WWOX: variants seen among roughly 807,000 people sequenced by gnomAD.
WWOX encodes WW domain-containing oxidoreductase.
WWOX carries 69 observed loss-of-function variants against 46.2 expected under a neutral mutation model. The ratio of observed to expected loss-of-function variants is 1.49; its 90% CI spans 1.23 to 1.82. The LOEUF is 1.82. WWOX is among the 40% of genes most tolerant of loss of function. WWOX has a pLI of 0.00. For missense variants in WWOX, 919 were observed against 542.6 expected (o/e 1.69, Z -6.89); for synonymous variants, 359 against 202.6 (o/e 1.77, Z -6.56).
chr16:78,620,960 C>T (rs146489537), intron 8 of WWOX, among the ~76,000 whole-genome samples: 1 of 152,134 alleles, frequency 6.6e-6, no homozygotes, highest in Admixed American at 6.5e-5. Flanking sequence ...AAGCATCTCA[C>T]TGTATTTTTA....
At chr16:78,416,847 A>G (rs1287649133) in intron 6 of WWOX, among the ~76,000 whole-genome samples, 2 of 152,238 alleles carry the variant, frequency 1.3e-5, no homozygotes, top group Non-Finnish European at 2.9e-5. Flanking sequence ...TCTCACAACC[A>G]TGGGAGGAGT....
chr16:79,054,319 A>T (rs1354312337), intron 8 of WWOX, among the ~76,000 whole-genome samples: 1 of 152,138 alleles, frequency 6.6e-6, no homozygotes. Context: ...TCCCCCAGCT[A>T]TCCCGGTTTC....
intron 8 of WWOX, among the ~76,000 whole-genome samples, chr16:78,912,794 G>A (rs536075876): frequency 1.4e-4 from 21 of 152,108 alleles, no homozygotes; most frequent in African/African-American, 4.8e-4. Context: ...TAGCCAATAA[G>A]GGAGGCTGAG....
chr16:78,657,631 G>C (rs2047111348), intron 8 of WWOX, among the ~76,000 whole-genome samples: 1 of 152,124 alleles, frequency 6.6e-6, no homozygotes, highest in Non-Finnish European at 1.5e-5. Context: ...AGGTTCTGAT[G>C]ACAGATTTTA....
intron 6 of WWOX, among the ~76,000 whole-genome samples, chr16:78,414,191 C>T (rs1006592508): frequency 3.9e-5 from 6 of 151,954 alleles, no homozygotes; most frequent in African/African-American, 7.3e-5. Flanking sequence ...CACTACCCAC[C>T]CAAATCCTGT....
intron 5 of WWOX, among the ~76,000 whole-genome samples, chr16:78,215,212 G>C (rs933481333): frequency 6.6e-6 from 1 of 152,170 alleles, no homozygotes; most frequent in African/African-American, 2.4e-5. Context: ...TATGTATCAG[G>C]TGTTGTGCTC....
chr16:78,294,680 TGAG>T (rs1256273434), intron 5 of WWOX, among the ~76,000 whole-genome samples: 2 of 122,746 alleles, frequency 1.6e-5, no homozygotes, highest in African/African-American at 5.7e-5. Context: ...GACTCCATGA[TGAG>T]ATAGTTGGAT....
intron 8 of WWOX, among the ~76,000 whole-genome samples, chr16:78,735,394 A>AACACACACACACACAC (rs35975130): frequency 0.021 from 2,519 of 121,340 alleles, 90 homozygotes; most frequent in African/African-American, 0.071. Context: ...ACCACACACA[A>AACACACACACACACAC]ACACACACAC....
chr16:79,200,480 G>A (rs193019809), intron 8 of WWOX, among the ~76,000 whole-genome samples: 34 of 152,212 alleles, frequency 2.2e-4, no homozygotes, highest in East Asian at 3.9e-4. Context: ...TTGCTTGGCC[G>A]TGAGTTACTT....
chr16:78,432,047 T>C lies in WWOX; in HGVS notation c.792-441T>C, dbSNP rs1413829432. 2.0e-5 allele frequency among the ~76,000 whole-genome samples: 3 copies of C among 152,066 alleles called. No homozygotes were observed. The East Asian group carries it at 5.8e-4, about 29-fold the overall frequency. Reference sequence around the variant, plus strand: ...TATATTGTTAAATCACCATTGTCAATCTTGAAAGGAGACTTTGTTTTGATG... The same window carrying C: ...TATATTGTTAAATCACCATTGTCAACCTTGAAAGGAGACTTTGTTTTGATG... On this transcript the variant is annotated intron_variant, in intron 7 of 8. Transcript: ENST00000566780.
chr16:79,122,946 C>T (rs778002439), intron 8 of WWOX, among the ~76,000 whole-genome samples: 5 of 152,190 alleles, frequency 3.3e-5, no homozygotes, highest in Non-Finnish European at 7.3e-5. Flanking sequence ...GCCGGGGCCT[C>T]GCCATCCACA....
In WWOX at chr16:78,990,892, C is replaced by A. The variant is rs76375791; in HGVS notation, c.1057-220716C>A. 5.7e-3 allele frequency among the ~76,000 whole-genome samples: 867 copies of A among 152,324 alleles called. 4 individuals are homozygous for A. Among genetic ancestry groups the A allele is most frequent in the African/African-American group, 0.02 (846 of 41,576 alleles). ...GAGACAAAACAGGTGATGAACACAG[C>A]ATGAGTGATTTTTCCCTTAAGAGAG... On this transcript the variant is annotated intron_variant, in intron 8 of 8. Coordinates refer to ENST00000566780, the MANE Select transcript of WWOX (RefSeq NM_016373.4).
chr16:78,840,693 T>A (rs2052116345), intron 8 of WWOX, among the ~76,000 whole-genome samples: 1 of 152,064 alleles, frequency 6.6e-6, no homozygotes, highest in Non-Finnish European at 1.5e-5. Context: ...GGGCCCGAGC[T>A]TCTTTGTTTC....
chr16:79,121,312 C>G (rs1310820945), intron 8 of WWOX, among the ~76,000 whole-genome samples: 1 of 152,170 alleles, frequency 6.6e-6, no homozygotes, highest in Non-Finnish European at 1.5e-5. Flanking sequence ...AAAACTCGCT[C>G]ATGATATCTT....
chr16:78,698,731 C>G (rs1475979846), intron 8 of WWOX, among the ~76,000 whole-genome samples: 2 of 152,124 alleles, frequency 1.3e-5, no homozygotes, highest in African/African-American at 2.4e-5. Context: ...GTCCCATCTA[C>G]TAAGGAGACT....
intron 8 of WWOX, among the ~76,000 whole-genome samples, chr16:78,599,944 A>G (rs568628155): frequency 2.0e-5 from 3 of 152,242 alleles, no homozygotes; most frequent in South Asian, 4.2e-4. Context: ...CTTGCTGTTG[A>G]TAAACACATA....
chr16:78,687,928 A>G (rs1249989012), intron 8 of WWOX, among the ~76,000 whole-genome samples: 1 of 152,196 alleles, frequency 6.6e-6, no homozygotes, highest in African/African-American at 2.4e-5. Context: ...TAATTGTGCT[A>G]GAAATGAAAA....
Position 78,577,090 on chromosome 16 carries a change from T to C in WWOX, c.1056+144338T>C, listed in dbSNP as rs11862635. Reference sequence around the variant, plus strand: ...TCAGGTTGAAAGTTGAGTCATGAATTGGGGAACATTCTTCTCTTGGTGTAA... The same window carrying C: ...TCAGGTTGAAAGTTGAGTCATGAATCGGGGAACATTCTTCTCTTGGTGTAA... On this transcript the variant is annotated intron_variant, in intron 8 of 8. Transcript: ENST00000566780. Among the ~76,000 whole-genome samples, 325 of 152,284 alleles carry C rather than the reference T, an allele frequency of 2.1e-3. 1 individual carries two copies. The highest frequency in any genetic ancestry group is 7.6e-3 in the African/African-American group (317 of 41,552).
At chr16:78,567,621 G>A (rs530286459) in intron 8 of WWOX, among the ~76,000 whole-genome samples, 2 of 149,124 alleles carry the variant, frequency 1.3e-5, no homozygotes, top group Admixed American at 1.3e-4. Context: ...CAAGCTCGCC[G>A]CAGCCTGCTA....
Sources: allele counts gnomAD v4.1 joint callset (sites outside exome capture counted in the v4.1 genomes callset), GRCh38; gene constraint gnomAD v4.1.1; transcripts MANE v1.5; gene names NCBI Gene and HGNC (gene_info 2026-07-23, HGNC 2026-07-21).